Variants in FOXN3 observed in about 807,000 individuals in gnomAD.
The protein encoded by FOXN3 is forkhead box N3.
A neutral mutation model predicts 38.4 loss-of-function variants in FOXN3; 7 were observed. The observed-to-expected ratio is 0.18, with a 90% CI of 0.10 to 0.34. The LOEUF (loss-of-function observed/expected upper bound fraction) is 0.34, where lower values mean the gene tolerates loss of function less well. Ranked by LOEUF, FOXN3 falls within the 10% of genes least tolerant of loss-of-function variation. The pLI is 1.00. For synonymous variants in FOXN3, 230 were observed against 242.2 expected (o/e 0.95, Z 0.47); for missense variants, 456 against 613.4 (o/e 0.74, Z 2.71).
At chr14:89,167,344 TATA>T (rs1887268952) in intron 5 of FOXN3, among the ~76,000 whole-genome samples, 3 of 152,234 alleles carry the variant, frequency 2.0e-5, no homozygotes, top group African/African-American at 7.2e-5. Context: ...TCCACTACAG[TATA>T]ATGAGCATGT....
chr14:89,220,943 T>G (rs1469938216), intron 4 of FOXN3, among the ~76,000 whole-genome samples: 1 of 152,048 alleles, frequency 6.6e-6, no homozygotes, highest in Non-Finnish European at 1.5e-5. Context: ...AAAAATTAAT[T>G]ACAGCACTCT....
chr14:89,604,109 C>A (rs768697441), intron 1 of FOXN3, among the ~76,000 whole-genome samples: 9 of 152,124 alleles, frequency 5.9e-5, no homozygotes, highest in Non-Finnish European at 1.2e-4. Flanking sequence ...AGGAACCTGA[C>A]AAAAACAAAT....
At chr14:89,421,528 A>ATATTTTTTT (rs33969710), upstream of FOXN3, among the ~76,000 whole-genome samples, 1 of 144,750 alleles carries the variant, frequency 6.9e-6, no homozygotes, top group African/African-American at 2.5e-5. Context: ...ACCCAGGGAA[A>ATATTTTTTT]TTTTTTTTTT....
At chr14:89,285,476 G>A (rs1003759558) in intron 3 of FOXN3, among the ~76,000 whole-genome samples, 1 of 150,930 alleles carries the variant, frequency 6.6e-6, no homozygotes, top group Non-Finnish European at 1.5e-5. Context: ...CCGAGATCAC[G>A]CCACTGCACT....
At chr14:89,177,009 C>CTTTTTT in intron 5 of FOXN3, among the ~76,000 whole-genome samples, 1 of 114,216 alleles carries the variant, frequency 8.8e-6, no homozygotes, top group Non-Finnish European at 1.8e-5. Context: ...CTCTTTCTTT[C>CTTTTTT]TTTTTTTTTT....
chr14:89,429,474 T>C (rs577088680), intron 1 of FOXN3, among the ~76,000 whole-genome samples: 2 of 152,100 alleles, frequency 1.3e-5, no homozygotes, highest in South Asian at 4.2e-4. Flanking sequence ...CAGGAGTTGC[T>C]GGAAAAAGCT....
intron 4 of FOXN3, among the ~76,000 whole-genome samples, chr14:89,197,885 A>G (rs1888138763): frequency 6.6e-6 from 1 of 152,242 alleles, no homozygotes; most frequent in African/African-American, 2.4e-5. Context: ...GCCATCAAGG[A>G]AGACAAGTGC....
intron 1 of FOXN3, among the ~76,000 whole-genome samples, chr14:89,569,444 C>T (rs1895444945): frequency 6.6e-6 from 1 of 152,168 alleles, no homozygotes; most frequent in Admixed American, 6.5e-5. Context: ...TTTCCACCTC[C>T]TAAAGGAAAT....
intron 1 of FOXN3, among the ~76,000 whole-genome samples, chr14:89,445,158 A>G (rs565723144): frequency 3.9e-5 from 6 of 152,080 alleles, no homozygotes; most frequent in Admixed American, 6.6e-5. Flanking sequence ...AATAAAAAAA[A>G]GTTGCTTGCA....
chr14:89,469,401 G>A (rs1032154969), intron 1 of FOXN3, among the ~76,000 whole-genome samples: 1 of 152,218 alleles, frequency 6.6e-6, no homozygotes, highest in East Asian at 1.9e-4. Context: ...GGGTTGAGGG[G>A]CTTCTCCAAC....
rs1454202448 is a variant in FOXN3 at position 89,351,851 on chromosome 14, A to G, written c.544-1043T>C. On this transcript the variant is annotated intron_variant, in intron 2 of 5. Coordinates refer to ENST00000557258, the MANE Select transcript of FOXN3 (RefSeq NM_005197.4). ...GAAGCTGTTTAACTAACATGGGGGAAGGGGACAATCCAAGAAAATCCCACT... is the reference window on the plus strand; with the variant it reads ...GAAGCTGTTTAACTAACATGGGGGAGGGGGACAATCCAAGAAAATCCCACT... Among the ~76,000 whole-genome samples the G allele has an allele frequency of 3.3e-5, 5 of 152,236 alleles. No individual in the cohort carries two copies. The East Asian group carries it at 9.6e-4, about 29-fold the overall frequency.
At chr14:89,221,163 C>T (rs74458177) in intron 4 of FOXN3, among the ~76,000 whole-genome samples, 184 of 152,170 alleles carry the variant, frequency 1.2e-3, no homozygotes, top group African/African-American at 4.2e-3. Flanking sequence ...CTAAATGTAG[C>T]GTGGATTTTA....
At chr14:89,466,976 G>A (rs1485897414) in intron 1 of FOXN3, among the ~76,000 whole-genome samples, 1 of 152,226 alleles carries the variant, frequency 6.6e-6, no homozygotes, top group Admixed American at 6.5e-5. Flanking sequence ...ACATAAAGAC[G>A]TGATCACAGC....
intron 2 of FOXN3, among the ~76,000 whole-genome samples, chr14:89,398,641 AG>A (rs1647121145): frequency 6.6e-6 from 1 of 152,132 alleles, no homozygotes; most frequent in African/African-American, 2.4e-5. Context: ...GAGGGGACAG[AG>A]GGAAAAAGAA....
At chr14:89,191,648 C>T (rs1204857674) in intron 4 of FOXN3, among the ~76,000 whole-genome samples, 1 of 150,738 alleles carries the variant, frequency 6.6e-6, no homozygotes, top group Non-Finnish European at 1.5e-5. Flanking sequence ...ATTTTTCATA[C>T]TTTATATGTG....
chr14:89,367,502 G>A (rs1406179070), intron 2 of FOXN3, among the ~76,000 whole-genome samples: 1 of 152,170 alleles, frequency 6.6e-6, no homozygotes, highest in East Asian at 1.9e-4. Flanking sequence ...TATGGACAAA[G>A]CACCCGGGAA....
Position 89,426,215 on chromosome 14 carries a change from ATTTTTTTT to A in FOXN3, c.-14-13733_-14-13726del, listed in dbSNP as rs33964198. ...GACCACAAAAGCACCAGGAGTACTG[ATTTTTTTT>A]TTTTTTTTTTTTTTTTTTGAGACAG... On this transcript the variant is annotated intron_variant, in intron 1 of 6. Coordinates refer to the FOXN3 transcript ENST00000345097. Among the ~76,000 whole-genome samples, 68 of 77,562 alleles carry A rather than the reference ATTTTTTTT, an allele frequency of 8.8e-4. No homozygotes were observed. The East Asian group carries it at 0.022, about 25-fold the overall frequency. 50.9% of individuals were successfully genotyped at this position (77,562 alleles called of 152,430 possible).
chr14:89,583,255 T>C (rs1404931466), intron 1 of FOXN3, among the ~76,000 whole-genome samples: 1 of 152,204 alleles, frequency 6.6e-6, no homozygotes, highest in African/African-American at 2.4e-5. Flanking sequence ...ATTCATTTAT[T>C]AGAAACTCAT....
chr14:89,580,230 C>A (rs546690044), intron 1 of FOXN3, among the ~76,000 whole-genome samples: 1 of 152,308 alleles, frequency 6.6e-6, no homozygotes, highest in South Asian at 2.1e-4. Flanking sequence ...ACCACAATTA[C>A]CTCATCTCTA....
Sources: gnomAD v4.1 joint callset for allele counts (sites outside exome capture counted in the v4.1 genomes callset) on GRCh38, gnomAD v4.1.1 for gene constraint, MANE v1.5 for transcripts, NCBI Gene and HGNC (gene_info 2026-07-23, HGNC 2026-07-21) for gene names.